SLC35D1: variants seen among roughly 807,000 people sequenced by gnomAD.
The protein encoded by SLC35D1 is solute carrier family 35 member D1.
In SLC35D1, 31 loss-of-function variants were observed where a neutral mutation model predicts 46.7. The observed-to-expected ratio is 0.66, with a 90% CI of 0.50 to 0.90. SLC35D1 has a LOEUF of 0.90. SLC35D1 is among the 40% of genes least tolerant of loss of function. SLC35D1 has a pLI of 0.00. For missense variants in SLC35D1, 397 were observed against 426.2 expected, an observed-to-expected ratio of 0.93 and a Z score of 0.60; for synonymous variants, 195 against 164.6, an observed-to-expected ratio of 1.18 and a Z score of -1.41.
chr1:67,046,253 C>T (rs1645249499), intron 7 of SLC35D1, among the ~76,000 whole-genome samples: 1 of 152,066 alleles, frequency 6.6e-6, no homozygotes. Flanking sequence ...AGGCAAAGCC[C>T]CTGGCCAAGG....
Position 67,054,104 on chromosome 1 carries a change from C to T in SLC35D1, c.-91G>A. ...CCAGGGGACTCCAGGAGTTGGGGAC[C>T]GCAGACTAGGCCAGCTGCGCGCTCG... On this transcript the variant is annotated 5_prime_UTR_variant, in exon 1 of 12. Transcript: ENST00000235345. 1.5e-6 allele frequency: 2 copies of T among 1,346,410 alleles called. No individual in the cohort carries two copies. Among genetic ancestry groups the T allele is most frequent in the South Asian group, 1.3e-5 (1 of 78,390 alleles). The allele number at this position is 1,346,410 out of a possible 1,614,324, so 83.4% of individuals were successfully genotyped here.
In SLC35D1 at chr1:67,053,078, G is replaced by A. The variant is rs939969587; in HGVS notation, c.204-89C>T. The A allele has an allele frequency of 2.1e-6, 3 of 1,419,916 alleles. No homozygotes were observed. In the African/African-American group the frequency reaches 4.3e-5, roughly 20 times the overall value. The allele number at this position is 1,419,916 out of a possible 1,614,324, so 88.0% of individuals were successfully genotyped here. ...TTTGCACATCGGCAACGTTAATAAGGCATTCCGATACAAGCCACATCAACG... is the reference window on the plus strand; with the variant it reads ...TTTGCACATCGGCAACGTTAATAAGACATTCCGATACAAGCCACATCAACG... On this transcript the variant is annotated intron_variant, in intron 1 of 11. Transcript: ENST00000235345.
At chr1:67,022,946 TCTTC>T (rs961160441) in intron 8 of SLC35D1, among the ~76,000 whole-genome samples, 1 of 152,186 alleles carries the variant, frequency 6.6e-6, no homozygotes, top group Non-Finnish European at 1.5e-5. Flanking sequence ...TACTCTAGTG[TCTTC>T]CTTCTCTTTC....
Position 67,051,631 on chromosome 1 carries a change from G to T in SLC35D1, c.392+381C>A, listed in dbSNP as rs568819540. 2.0e-5 allele frequency among the ~76,000 whole-genome samples: 3 copies of T among 152,310 alleles called. No individual in the cohort carries two copies. The East Asian group carries it at 5.8e-4, about 29-fold the overall frequency. On this transcript the variant is annotated intron_variant, in intron 4 of 11. Transcript: ENST00000235345. ...CTTGTGCCTACCCTCTAATTTTGCT[G>T]TGTGGAAGTTGCCTAAAATATTTAT...
intron 8 of SLC35D1, among the ~76,000 whole-genome samples, chr1:67,023,381 C>G (rs12082330): frequency 0.19 from 29,558 of 152,056 alleles, 5,336 homozygotes; most frequent in African/African-American, 0.49. Flanking sequence ...GTGATATTTT[C>G]TCATTTTAAT....
intron 8 of SLC35D1, among the ~76,000 whole-genome samples, chr1:67,032,463 C>T (rs972592501): frequency 7.2e-5 from 11 of 151,924 alleles, no homozygotes; most frequent in African/African-American, 2.2e-4. Context: ...GGCGGATCAC[C>T]TAAGGTCAGG....
chr1:67,052,938 G>A lies in SLC35D1; in HGVS notation c.237+18C>T. The A allele has an allele frequency of 6.2e-7, 1 of 1,614,036 alleles. No individual in the cohort carries two copies. Among genetic ancestry groups the A allele is most frequent in the South Asian group, 1.1e-5 (1 of 91,078 alleles). ...TTCTAACAACATAAACCACGTAATGGTGAGGATTCCAACTAACCTGGCCAA... is the reference window on the plus strand; with the variant it reads ...TTCTAACAACATAAACCACGTAATGATGAGGATTCCAACTAACCTGGCCAA... On this transcript the variant is annotated intron_variant, in intron 2 of 11. Coordinates refer to ENST00000235345, the MANE Select transcript of SLC35D1 (RefSeq NM_015139.3).
the SLC35D1 span, among the ~76,000 whole-genome samples, chr1:66,989,130 A>G: frequency 5.3e-5 from 8 of 152,232 alleles, no homozygotes; most frequent in Non-Finnish European, 1.0e-4. Flanking sequence ...TGGTTCTACC[A>G]TAACAGCAGC....
At chr1:66,985,283 A>G in the SLC35D1 span, 14 of 983,734 alleles carry the variant, frequency 1.4e-5, no homozygotes, top group African/African-American at 1.7e-5. Flanking sequence ...GCTTAGTTTG[A>G]TGGATGAATG....
intron 7 of SLC35D1, 29 bp downstream of exon 7, chr1:67,047,236 A>G (rs1433496458): frequency 1.3e-6 from 2 of 1,547,294 alleles, no homozygotes; most frequent in East Asian, 2.2e-5. Context: ...ATCAGTACAC[A>G]ACTGTTAAAG....
At chr1:67,041,628 C>A (rs140729308) in intron 8 of SLC35D1, among the ~76,000 whole-genome samples, 2,083 of 152,264 alleles carry the variant, frequency 0.014, 20 homozygotes, top group Middle Eastern at 0.024. Context: ...GTCTCCTACA[C>A]GGGCTTGTTT....
In SLC35D1 at chr1:67,011,108, C is replaced by T. The variant is rs116248881; in HGVS notation, c.877-1941G>A. Among the ~76,000 whole-genome samples, 270 of 152,268 alleles carry T rather than the reference C, an allele frequency of 1.8e-3. 2 individuals carry two copies. The highest frequency in any genetic ancestry group is 6.0e-3 in the African/African-American group (248 of 41,554). On this transcript the variant is annotated intron_variant, in intron 10 of 11. Transcript: ENST00000235345. ...CTCTCCCTCCCATAACCTATTTTGC[C>T]CAATCTAAGCCCCCATTTTTTCTGT... is the stretch of plus-strand genomic sequence containing the variant.
At chr1:66,987,100 T>C in the SLC35D1 span, 13 of 152,684 alleles carry the variant, frequency 8.5e-5, no homozygotes, top group Non-Finnish European at 1.9e-4. Flanking sequence ...ATGTTACTTT[T>C]GTTAATCTTT....
Position 67,002,861 on chromosome 1 carries a change from G to A in SLC35D1, c.*1479C>T, listed in dbSNP as rs1667369467. On this transcript the variant is annotated 3_prime_UTR_variant, in exon 12 of 12. Coordinates refer to ENST00000235345, the MANE Select transcript of SLC35D1 (RefSeq NM_015139.3). ...CACACTGGCTGTACAACTGGCCTGAGCAAACACACTAATCCTCAAAGTCAA... is the reference window on the plus strand; with the variant it reads ...CACACTGGCTGTACAACTGGCCTGAACAAACACACTAATCCTCAAAGTCAA... 2 of 152,352 alleles carry A rather than the reference G, an allele frequency of 1.3e-5. No individual in the cohort carries two copies. The highest frequency in any genetic ancestry group is 2.9e-5 in the Non-Finnish European group (2 of 68,060). 9.4% of individuals were successfully genotyped at this position (152,352 alleles called of 1,614,324 possible).
rs139585126 is a variant in SLC35D1 at position 67,008,587 on chromosome 1, C to T, written c.959+498G>A. The T allele has an allele frequency of 4.1e-5, 25 of 614,002 alleles. No individual in the cohort carries two copies. In the East Asian group the frequency reaches 1.7e-3, roughly 41 times the overall value. 38.0% of individuals were successfully genotyped at this position (614,002 alleles called of 1,614,324 possible). On this transcript the variant is annotated intron_variant, in intron 11 of 11. Transcript: ENST00000235345. Reference sequence around the variant, plus strand: ...CTAAATCTACTTTATCTGCTCTGATCCACTTTTGATCTTCAAAAGCAAGGC... The same window carrying T: ...CTAAATCTACTTTATCTGCTCTGATTCACTTTTGATCTTCAAAAGCAAGGC...
chr1:66,994,947 C>T (rs1284829412), downstream of SLC35D1, among the ~76,000 whole-genome samples: 1 of 149,116 alleles, frequency 6.7e-6, no homozygotes, highest in Non-Finnish European at 1.5e-5. Context: ...GAAGAAACAA[C>T]TTTAAAAAAA....
At chr1:66,981,831 GCAC>G in the SLC35D1 span, 1 of 1,613,988 alleles carries the variant, frequency 6.2e-7, no homozygotes, top group Non-Finnish European at 8.5e-7. Context: ...ATCTAGTCGA[GCAC>G]CATCCCCTCC....
At chr1:66,995,439 A>C (rs1667228759), downstream of SLC35D1, among the ~76,000 whole-genome samples, 2 of 10,098 alleles carry the variant, frequency 2.0e-4, no homozygotes, top group Non-Finnish European at 3.8e-4. Context: ...ACGCTAAAAA[A>C]AAAAAAAAAA....
At chr1:66,994,516 A>G (rs1238513124), downstream of SLC35D1, among the ~76,000 whole-genome samples, 2 of 152,076 alleles carry the variant, frequency 1.3e-5, no homozygotes, top group Admixed American at 1.3e-4. Flanking sequence ...TGGTGGCACA[A>G]GCCTGTAGCC....
Sources: gnomAD v4.1 joint callset for allele counts (sites outside exome capture counted in the v4.1 genomes callset) on GRCh38, gnomAD v4.1.1 for gene constraint, MANE v1.5 for transcripts, NCBI Gene and HGNC (gene_info 2026-07-23, HGNC 2026-07-21) for gene names.